The following ROBO1 variants were observed in gnomAD, a reference collection of about 807,000 sequenced individuals.
ROBO1 encodes the protein roundabout homolog 1.
In ROBO1, 149 loss-of-function variants were observed where a neutral mutation model predicts 195.9. The observed-to-expected ratio is 0.76, with a 90% confidence interval of 0.67 to 0.87. The LOEUF is 0.87. ROBO1 is among the 40% of genes least tolerant of loss of function. The probability of loss-of-function intolerance (pLI) is 0.00; values close to 1 mark genes in which losing one functional copy is unlikely to be tolerated. For synonymous variants in ROBO1, 816 were observed against 733.2 expected (o/e 1.11, Z -1.82); for missense variants, 1,933 against 2,068.3 (o/e 0.93, Z 1.27).
At position 78,801,864 on chromosome 3, in the gene ROBO1, AAAAC is replaced by A. The variant is rs2084382276; in HGVS notation, c.500-54968_500-54965del. ...CAAATGTGATATATAAGGCATGACA[AAAAC>A]AAGAACAGGAAACACTTCCTGTGGA... On this transcript the variant is annotated intron_variant, in intron 4 of 30. Transcript: ENST00000464233. Among the ~76,000 whole-genome samples, 3 of 152,274 alleles carry A rather than the reference AAAAC, an allele frequency of 2.0e-5. No homozygotes were observed. The South Asian group carries it at 6.2e-4, about 32-fold the overall frequency.
intron 1 of ROBO1, among the ~76,000 whole-genome samples, chr3:79,726,609 GT>G (rs1702935927): frequency 6.6e-6 from 1 of 151,964 alleles, no homozygotes; most frequent in Admixed American, 6.6e-5. Flanking sequence ...GTTCTCATGT[GT>G]TTTAGTTTTG....
At chr3:79,161,033 T>C (rs944307567) in intron 2 of ROBO1, among the ~76,000 whole-genome samples, 1 of 152,032 alleles carries the variant, frequency 6.6e-6, no homozygotes, top group Non-Finnish European at 1.5e-5. Context: ...ACCTCCTCAT[T>C]AGAATGATAA....
At chr3:79,299,605 A>C (rs2109053848) in intron 2 of ROBO1, among the ~76,000 whole-genome samples, 1 of 152,326 alleles carries the variant, frequency 6.6e-6, no homozygotes, top group African/African-American at 2.4e-5. Flanking sequence ...AGTGTTTGCC[A>C]ATAATATATT....
chr3:78,893,193 T>A (rs1242610700), intron 4 of ROBO1, among the ~76,000 whole-genome samples: 1 of 152,220 alleles, frequency 6.6e-6, no homozygotes, highest in African/African-American at 2.4e-5. Flanking sequence ...ATACAGGTGC[T>A]GAAATTTAAC....
At chr3:78,888,494 C>A (rs1209573349) in intron 4 of ROBO1, among the ~76,000 whole-genome samples, 1 of 152,156 alleles carries the variant, frequency 6.6e-6, no homozygotes. Flanking sequence ...TTCAGAAATT[C>A]ATTTTCTTGC....
intron 2 of ROBO1, among the ~76,000 whole-genome samples, chr3:79,350,502 C>T (rs981535163): frequency 1.3e-5 from 2 of 152,128 alleles, no homozygotes; most frequent in African/African-American, 2.4e-5. Context: ...TTCAAAGTAG[C>T]TATATTCATA....
At chr3:79,080,733 T>C (rs2079257757) in intron 3 of ROBO1, among the ~76,000 whole-genome samples, 1 of 152,120 alleles carries the variant, frequency 6.6e-6, no homozygotes, top group Admixed American at 6.6e-5. Flanking sequence ...CTTCATGTTT[T>C]CCAGGTGGTA....
At chr3:78,624,771 A>T (rs917647484) in intron 26 of ROBO1, among the ~76,000 whole-genome samples, 1 of 152,108 alleles carries the variant, frequency 6.6e-6, no homozygotes, top group African/African-American at 2.4e-5. Flanking sequence ...GGTAACAGGG[A>T]TGGGAACAGA....
intron 3 of ROBO1, among the ~76,000 whole-genome samples, chr3:79,098,690 TAATAC>T (rs1294730769): frequency 1.3e-5 from 2 of 151,870 alleles, no homozygotes. Flanking sequence ...ACATAGTTGT[TAATAC>T]ACAGTAAACC....
intron 2 of ROBO1, among the ~76,000 whole-genome samples, chr3:79,234,297 T>G (rs2108860243): frequency 6.6e-6 from 1 of 152,304 alleles, no homozygotes; most frequent in Non-Finnish European, 1.5e-5. Context: ...CTAGGTTTTC[T>G]TCTAAGATTC....
chr3:78,726,864 T>C (rs2082174028), intron 5 of ROBO1, among the ~76,000 whole-genome samples: 1 of 152,148 alleles, frequency 6.6e-6, no homozygotes, highest in African/African-American at 2.4e-5. Flanking sequence ...ACGGCTTTTC[T>C]TTCTTTAAAT....
chr3:79,003,880 C>G (rs778173712), intron 3 of ROBO1, among the ~76,000 whole-genome samples: 8 of 152,180 alleles, frequency 5.3e-5, no homozygotes, highest in Non-Finnish European at 8.8e-5. Context: ...AAAATATCCA[C>G]TGGTTCAATT....
chr3:79,039,974 G>T (rs2078454905), intron 3 of ROBO1, among the ~76,000 whole-genome samples: 1 of 151,932 alleles, frequency 6.6e-6, no homozygotes, highest in Admixed American at 6.6e-5. Context: ...TCTGATATAT[G>T]GTAAATGCTC....
At chr3:79,232,162 T>G (rs1422292875) in intron 2 of ROBO1, among the ~76,000 whole-genome samples, 2 of 151,762 alleles carry the variant, frequency 1.3e-5, no homozygotes, top group Non-Finnish European at 1.5e-5. Context: ...GACACAAGTT[T>G]AATTATGTAA....
intron 1 of ROBO1, among the ~76,000 whole-genome samples, chr3:79,607,541 T>C (rs901309267): frequency 1.3e-5 from 2 of 151,530 alleles, no homozygotes; most frequent in African/African-American, 4.8e-5. Flanking sequence ...ATTCTTAAAA[T>C]TTTTTCCTCA....
chr3:79,749,065 A>G (rs755845673), intron 1 of ROBO1, among the ~76,000 whole-genome samples: 9 of 152,274 alleles, frequency 5.9e-5, no homozygotes, highest in Non-Finnish European at 7.3e-5. Flanking sequence ...AACTCCCTAG[A>G]GACTTGTTGA....
At chr3:78,732,825 A>G (rs948604541) in intron 5 of ROBO1, among the ~76,000 whole-genome samples, 1 of 152,158 alleles carries the variant, frequency 6.6e-6, no homozygotes, top group African/African-American at 2.4e-5. Context: ...GTTCCCATAC[A>G]ATATGATGCT....
chr3:79,625,414 G>GT (rs1016710927), intron 1 of ROBO1, among the ~76,000 whole-genome samples: 8 of 8,222 alleles, frequency 9.7e-4, no homozygotes, highest in Non-Finnish European at 1.5e-3. Flanking sequence ...TCCAGTAGCT[G>GT]TTTTTTTTGA....
At chr3:78,870,280 A>T (rs1230047125) in intron 4 of ROBO1, among the ~76,000 whole-genome samples, 3 of 152,158 alleles carry the variant, frequency 2.0e-5, no homozygotes, top group Non-Finnish European at 4.4e-5. Context: ...ACCGTAATGA[A>T]GTTAAGTTAG....
Sources: gnomAD v4.1 joint callset for allele counts (sites outside exome capture counted in the v4.1 genomes callset) on GRCh38, gnomAD v4.1.1 for gene constraint, MANE v1.5 for transcripts, NCBI Gene and HGNC (gene_info 2026-07-23, HGNC 2026-07-21) for gene names.